PARP4: variants seen among roughly 807,000 people sequenced by gnomAD.
PARP4 encodes poly(ADP-ribose) polymerase family member 4.
Under a neutral mutation model 187.7 loss-of-function variants are expected in PARP4, and 120 were observed. The observed-to-expected ratio is 0.64, with a 90% CI of 0.55 to 0.74. The LOEUF (loss-of-function observed/expected upper bound fraction) is 0.74, where lower values mean the gene tolerates loss of function less well. Among genes scored for constraint, PARP4 ranks in the 30% least tolerant of loss-of-function variants. The pLI, the probability that PARP4 is intolerant of heterozygous loss-of-function variation, is 0.00. For missense variants in PARP4, 1,836 were observed against 2,070.5 expected (o/e 0.89, Z 2.20); for synonymous variants, 654 against 740.9 (o/e 0.88, Z 1.90).
chr13:24,508,250 T>C (rs1869816799), intron 1 of PARP4, among the ~76,000 whole-genome samples: 1 of 152,176 alleles, frequency 6.6e-6, no homozygotes, highest in African/African-American at 2.4e-5. Flanking sequence ...TATGTGATAA[T>C]TGCACCCCCA....
At chr13:24,452,073 T>G in intron 24 of PARP4, 1 of 198,680 alleles carries the variant, frequency 5.0e-6, no homozygotes, top group Non-Finnish European at 1.0e-5. Context: ...ATCTAACTGA[T>G]TTGGTGCTTT....
intron 27 of PARP4, 112 bp downstream of exon 27, chr13:24,446,569 C>G (rs1409306170): frequency 1.4e-6 from 1 of 717,034 alleles, no homozygotes; most frequent in Admixed American, 2.8e-5. Context: ...GGGCTGCATT[C>G]AAAGCTGCCC....
chr13:24,504,664 T>C (rs761284361), intron 1 of PARP4, among the ~76,000 whole-genome samples: 34 of 152,018 alleles, frequency 2.2e-4, no homozygotes, highest in Admixed American at 1.7e-3. Context: ...AATAAATTAA[T>C]ACATGGTGAA....
intron 32 of PARP4, among the ~76,000 whole-genome samples, chr13:24,429,131 A>G (rs1870206968): frequency 6.6e-6 from 1 of 151,942 alleles, no homozygotes; most frequent in Non-Finnish European, 1.5e-5. Flanking sequence ...TGACCTTTTC[A>G]TTGCAGATAC....
intron 3 of PARP4, 106 bp from the exon 4 acceptor site, chr13:24,500,488 T>G: frequency 3.1e-6 from 2 of 635,194 alleles, no homozygotes; most frequent in Non-Finnish European, 5.2e-6. Context: ...ATCCTTAAAT[T>G]AGTTATAATT....
chr13:24,481,647 C>T lies in PARP4; in HGVS notation c.1448+3006G>A, dbSNP rs184881947. Among the ~76,000 whole-genome samples, 430 of 152,266 alleles carry T rather than the reference C, an allele frequency of 2.8e-3. 3 individuals carry two copies. The highest frequency in any genetic ancestry group is 9.8e-3 in the African/African-American group (409 of 41,554). On this transcript the variant is annotated intron_variant, in intron 12 of 33. Coordinates refer to ENST00000381989, the MANE Select transcript of PARP4 (RefSeq NM_006437.4). The stretch of plus-strand genomic sequence containing the variant: ...GGCGGAGGTTGCAGTGAGCCAAGAT[C>T]ACACCATTGCACTCCAGCCTGGGCA...
At chr13:24,442,158 G>C (rs3816232) in intron 29 of PARP4, among the ~76,000 whole-genome samples, 190 bp from the exon 30 acceptor site, 10,739 of 107,838 alleles carry the variant, frequency 0.1, 224 homozygotes, top group Middle Eastern at 0.19. Context: ...AGCACTGGCA[G>C]GTGCTGGCCA....
chr13:24,478,185 G>A lies in PARP4; in HGVS notation c.1540C>T (p.His514Tyr). 1 of 1,613,878 alleles carries A rather than the reference G, an allele frequency of 6.2e-7. No homozygotes were observed. The highest frequency in any genetic ancestry group is 1.1e-5 in the South Asian group (1 of 91,060). Residue 514 changes from histidine to tyrosine, a missense_variant, in exon 13 of 34, where the codon CAT (histidine) becomes TAT (tyrosine). Around this residue, in one of 8 missense-constraint regions of PARP4, gnomAD observed 1,147 missense variants for 1,214.2 expected, o/e 0.94. Transcript: ENST00000381989. ...DVALGKCMDL[H>Y]EKDFSLTEAP... The stretch of plus-strand genomic sequence containing the variant: ...TCAGTTAAGGAAAAGTCCTTCTCAT[G>A]TAAGTCCATACACTTTCCGAGGGCT...
chr13:24,444,414 G>A (rs575157906), intron 27 of PARP4, among the ~76,000 whole-genome samples: 1 of 152,396 alleles, frequency 6.6e-6, no homozygotes, highest in South Asian at 2.1e-4. Flanking sequence ...TTGAGCTTAA[G>A]TTCTATACAT....
chr13:24,486,956 T>C (rs1873594984), intron 10 of PARP4, among the ~76,000 whole-genome samples: 1 of 150,468 alleles, frequency 6.6e-6, no homozygotes, highest in Non-Finnish European at 1.5e-5. Context: ...AACGAGACTC[T>C]GTCTCAAAGA....
Position 24,493,686 on chromosome 13 carries a change from C to G in PARP4, c.789G>C (p.Val263=). ...CCCAAATCATCTCTACTAAATCGCT[C>G]ACCTCTTGGCTCAGAGTGCTTGAAT... The part of the protein sequence containing the change: ...VMNSSTLSQE[V]SDLVEMIWAE... Residue 263 remains valine (V), a synonymous_variant, in exon 8 of 34, where the codon GTG becomes GTC. Transcript: ENST00000381989. 6.2e-7 allele frequency: 1 copy of G among 1,613,978 alleles called. No individual in the cohort carries two copies. Among genetic ancestry groups the G allele is most frequent in the Non-Finnish European group, 8.5e-7 (1 of 1,179,946 alleles).
At chr13:24,454,981 G>A in intron 22 of PARP4, 36 bp downstream of exon 22, 1 of 1,499,510 alleles carries the variant, frequency 6.7e-7, no homozygotes. Context: ...ACATGTAGGG[G>A]AAGCACACGC....
chr13:24,480,327 T>A (rs1386945113), intron 12 of PARP4, among the ~76,000 whole-genome samples: 2 of 152,192 alleles, frequency 1.3e-5, no homozygotes, highest in East Asian at 3.9e-4. Flanking sequence ...CCCTATTCCC[T>A]GAGATACAAC....
At chr13:24,437,038 T>C (rs9511260) in intron 30 of PARP4, among the ~76,000 whole-genome samples, 60,334 of 151,944 alleles carry the variant, frequency 0.4, 12,226 homozygotes, top group African/African-American at 0.46. Flanking sequence ...TATAAAATTA[T>C]AATAATTATA....
intron 31 of PARP4, 150 bp from the exon 32 acceptor site, chr13:24,431,626 C>T (rs1360813114): frequency 4.9e-6 from 3 of 612,300 alleles, no homozygotes; most frequent in Non-Finnish European, 8.6e-6. Flanking sequence ...ACCTCAGCAC[C>T]ACACGGTATG....
intron 6 of PARP4, among the ~76,000 whole-genome samples, chr13:24,496,878 C>A (rs2137537613): frequency 1.3e-5 from 2 of 152,202 alleles, no homozygotes; most frequent in East Asian, 3.9e-4. Flanking sequence ...CAAAAATTAG[C>A]CAGGCGTGGC....
At chr13:24,440,682 T>A (rs1870879994) in intron 30 of PARP4, among the ~76,000 whole-genome samples, 1 of 152,014 alleles carries the variant, frequency 6.6e-6, no homozygotes, top group Admixed American at 6.5e-5. Context: ...TCCCAGAGAG[T>A]GAAGCGCGGG....
At chr13:24,422,617 AT>A (rs899545577) in intron 33 of PARP4, among the ~76,000 whole-genome samples, 10 of 149,130 alleles carry the variant, frequency 6.7e-5, no homozygotes, top group South Asian at 2.1e-4. Context: ...AAAATATTTA[AT>A]TTTTTTTTTT....
intron 22 of PARP4, among the ~76,000 whole-genome samples, chr13:24,454,199 AT>A (rs1871696308): frequency 6.6e-6 from 1 of 152,194 alleles, no homozygotes; most frequent in African/African-American, 2.4e-5. Context: ...GTCAAATTCC[AT>A]GTGCACATGC....
Sources: gnomAD v4.1 joint callset for allele counts (sites outside exome capture counted in the v4.1 genomes callset) on GRCh38, gnomAD v4.1.1 for gene constraint, gnomAD v4.1.1 regional missense constraint, MANE v1.5 for transcripts, NCBI Gene and HGNC (gene_info 2026-07-23, HGNC 2026-07-21) for gene names.